EPHB1: variants seen among roughly 807,000 people sequenced by gnomAD.
The protein encoded by EPHB1 is ephrin type-B receptor 1.
A neutral mutation model predicts 94.4 loss-of-function variants in EPHB1; 30 were observed. That is an observed-to-expected ratio of 0.32 (90% CI 0.24 to 0.43). The LOEUF is 0.43. EPHB1 is among the 20% of genes least tolerant of loss of function. The probability of loss-of-function intolerance (pLI) is 1.00; values close to 1 mark genes in which losing one functional copy is unlikely to be tolerated. For missense variants in EPHB1, 1,055 were observed against 1,308.3 expected (o/e 0.81, Z 2.99); for synonymous variants, 522 against 489.1 (o/e 1.07, Z -0.89).
At chr3:134,824,980 T>C (rs2036448998) in intron 1 of EPHB1, among the ~76,000 whole-genome samples, 1 of 152,238 alleles carries the variant, frequency 6.6e-6, no homozygotes, top group Non-Finnish European at 1.5e-5. Context: ...AACTATCCAG[T>C]TGGGCCTGGC....
chr3:135,118,176 G>T (rs776428484), intron 4 of EPHB1, among the ~76,000 whole-genome samples: 7 of 152,320 alleles, frequency 4.6e-5, no homozygotes, highest in Non-Finnish European at 1.0e-4. Flanking sequence ...CATGAGGTCA[G>T]CCGTGCCCAT....
At chr3:134,952,115 C>T (rs1241760467) in intron 3 of EPHB1, 63 bp downstream of exon 3, 20 of 1,506,268 alleles carry the variant, frequency 1.3e-5, no homozygotes, top group African/African-American at 2.8e-5. Flanking sequence ...AAGGTTTCCC[C>T]ACCAATAATT....
At chr3:134,956,744 T>C (rs1193929227) in intron 3 of EPHB1, among the ~76,000 whole-genome samples, 1 of 152,206 alleles carries the variant, frequency 6.6e-6, no homozygotes, top group East Asian at 1.9e-4. Flanking sequence ...GAGAATATTT[T>C]CTAAGCCATG....
chr3:134,803,593 C>T (rs1358643467), intron 1 of EPHB1, among the ~76,000 whole-genome samples: 4 of 152,196 alleles, frequency 2.6e-5, no homozygotes, highest in Non-Finnish European at 5.9e-5. Flanking sequence ...ATGCTCCCAA[C>T]CACTCATTGA....
intron 3 of EPHB1, among the ~76,000 whole-genome samples, chr3:135,064,497 T>C (rs1429486677): frequency 6.6e-6 from 1 of 152,154 alleles, no homozygotes; most frequent in Non-Finnish European, 1.5e-5. Context: ...AATGTGTTCA[T>C]AGTAGCCTCA....
At chr3:135,145,408 A>C (rs1179003406) in intron 5 of EPHB1, among the ~76,000 whole-genome samples, 1 of 152,200 alleles carries the variant, frequency 6.6e-6, no homozygotes, top group Non-Finnish European at 1.5e-5. Context: ...AGGATCTCAC[A>C]GAAGTCCCTC....
chr3:134,979,457 G>T (rs546006115), intron 3 of EPHB1, among the ~76,000 whole-genome samples: 108 of 152,264 alleles, frequency 7.1e-4, no homozygotes, highest in African/African-American at 2.6e-3. Context: ...TCAGATTATG[G>T]TCTTCACTTC....
At chr3:135,167,274 G>C (rs1941677876) in intron 9 of EPHB1, among the ~76,000 whole-genome samples, 1 of 152,188 alleles carries the variant, frequency 6.6e-6, no homozygotes, top group Non-Finnish European at 1.5e-5. Context: ...ACAAAATGCA[G>C]GGAAAAGATT....
At position 135,241,243 on chromosome 3, in the gene EPHB1, G is replaced by A. The variant is rs1943776111; in HGVS notation, c.2442G>A (p.Met814Ile). Residue 814 changes from methionine (M) to isoleucine (I), a missense_variant, in exon 13 of 16, where the codon ATG (methionine) becomes ATA (isoleucine). Coordinates refer to ENST00000398015, the MANE Select transcript of EPHB1 (RefSeq NM_004441.5). Reference protein sequence around the residue: ...ASDVWSYGIVMWEVMSFGERP... With the variant: ...ASDVWSYGIVIWEVMSFGERP... Reference sequence around the variant, plus strand: ...ACGTTTGGAGCTATGGGATCGTCATGTGGGAAGTCATGTCATTTGGAGAGA... The same window carrying A: ...ACGTTTGGAGCTATGGGATCGTCATATGGGAAGTCATGTCATTTGGAGAGA... The A allele has an allele frequency of 1.2e-6, 2 of 1,614,124 alleles. No individual in the cohort carries two copies. Among genetic ancestry groups the A allele is most frequent in the African/African-American group, 1.3e-5 (1 of 74,946 alleles).
At chr3:135,178,478 A>C (rs1232573215) in intron 9 of EPHB1, among the ~76,000 whole-genome samples, 3 of 151,214 alleles carry the variant, frequency 2.0e-5, no homozygotes, top group African/African-American at 7.3e-5. Context: ...AAAAAAAAAA[A>C]ATTCTCCTCA....
chr3:135,015,729 TG>T (rs975768975), intron 3 of EPHB1, among the ~76,000 whole-genome samples: 1 of 152,060 alleles, frequency 6.6e-6, no homozygotes, highest in Non-Finnish European at 1.5e-5. Flanking sequence ...GAAAATGGCC[TG>T]GGGGAGGTTT....
intron 2 of EPHB1, among the ~76,000 whole-genome samples, chr3:134,926,849 C>T (rs1560300266): frequency 6.6e-6 from 1 of 152,024 alleles, no homozygotes; most frequent in Non-Finnish European, 1.5e-5. Context: ...TTGGGTGTGA[C>T]AAAAGAATCA....
intron 3 of EPHB1, among the ~76,000 whole-genome samples, chr3:134,976,609 C>T (rs139003073): frequency 1.9e-3 from 295 of 152,302 alleles, no homozygotes; most frequent in African/African-American, 6.8e-3. Flanking sequence ...CCAGACGTCA[C>T]CCCATCTCCT....
At chr3:135,213,257 G>T (rs533328940) in intron 12 of EPHB1, among the ~76,000 whole-genome samples, 2 of 152,132 alleles carry the variant, frequency 1.3e-5, no homozygotes, top group Non-Finnish European at 1.5e-5. Flanking sequence ...TCTCCTTTGC[G>T]CTTTCTTATG....
intron 1 of EPHB1, among the ~76,000 whole-genome samples, chr3:134,853,984 A>G (rs370199676): frequency 1.3e-5 from 2 of 152,248 alleles, no homozygotes; most frequent in African/African-American, 4.8e-5. Context: ...CCCAATACCA[A>G]AAGTGAACAT....
At chr3:134,940,817 C>A (rs549795511) in intron 2 of EPHB1, among the ~76,000 whole-genome samples, 1 of 152,162 alleles carries the variant, frequency 6.6e-6, no homozygotes, top group Non-Finnish European at 1.5e-5. Flanking sequence ...AAGGTCCATG[C>A]GGACAGGGAT....
chr3:134,917,147 T>C (rs1022977154), intron 1 of EPHB1, among the ~76,000 whole-genome samples: 1 of 152,204 alleles, frequency 6.6e-6, no homozygotes, highest in Non-Finnish European at 1.5e-5. Flanking sequence ...AAGTCCATCG[T>C]AGGTCTAGAG....
intron 1 of EPHB1, among the ~76,000 whole-genome samples, chr3:134,806,225 T>C (rs1050305685): frequency 1.3e-5 from 2 of 152,226 alleles, no homozygotes; most frequent in Non-Finnish European, 2.9e-5. Context: ...GAATGGAATA[T>C]GGCAGAAGTG....
At chr3:135,139,466 C>G (rs894934313) in intron 5 of EPHB1, among the ~76,000 whole-genome samples, 1 of 152,300 alleles carries the variant, frequency 6.6e-6, no homozygotes, top group East Asian at 1.9e-4. Context: ...TTTTTAGGGG[C>G]TCCCATTTAT....
Sources: gnomAD v4.1 joint callset for allele counts (sites outside exome capture counted in the v4.1 genomes callset) on GRCh38, gnomAD v4.1.1 for gene constraint, MANE v1.5 for transcripts, NCBI Gene and HGNC (gene_info 2026-07-23, HGNC 2026-07-21) for gene names.